KCMF1: variants seen among roughly 807,000 people sequenced by gnomAD.
The protein encoded by KCMF1 is E3 ubiquitin-protein ligase KCMF1.
Under a neutral mutation model 41.1 loss-of-function variants are expected in KCMF1, and 3 were observed. The observed-to-expected ratio is 0.07, with a 90% CI of 0.03 to 0.19. KCMF1 has a LOEUF of 0.19. Among genes scored for constraint, KCMF1 ranks in the 10% least tolerant of loss-of-function variants. KCMF1 has a pLI of 1.00. For missense variants in KCMF1, 286 were observed against 488.9 expected (o/e 0.58, Z 3.91); for synonymous variants, 142 against 164.5 (o/e 0.86, Z 1.04).
chr2:85,056,129 C>A lies in KCMF1; in HGVS notation c.*2720C>A, dbSNP rs1223759227. ...TTGTTTTGTTAAAAAAAAAAAAATC[C>A]ACAGAAGTAGAACCTAGGTTTGCTA... On this transcript the variant is annotated 3_prime_UTR_variant, in exon 7 of 7. Coordinates refer to ENST00000409785, the MANE Select transcript of KCMF1 (RefSeq NM_020122.5). 1 of 151,290 alleles carries A rather than the reference C, an allele frequency of 6.6e-6. No individual in the cohort carries two copies. Among genetic ancestry groups the A allele is most frequent in the East Asian group, 1.9e-4 (1 of 5,166 alleles). 9.4% of individuals were successfully genotyped at this position (151,290 alleles called of 1,614,324 possible). A position where few individuals can be genotyped will look rare whatever the true frequency, so the allele number is the denominator to read the frequency against.
chr2:84,986,025 T>C (rs1038687043), intron 1 of KCMF1, among the ~76,000 whole-genome samples: 2 of 152,240 alleles, frequency 1.3e-5, no homozygotes, highest in Non-Finnish European at 2.9e-5. Context: ...CTATTCTGCT[T>C]CATTAAAAAC....
intron 1 of KCMF1, among the ~76,000 whole-genome samples, chr2:84,979,132 C>T (rs1673635774): frequency 6.6e-6 from 1 of 152,194 alleles, no homozygotes; most frequent in Admixed American, 6.5e-5. Flanking sequence ...AGGTGTGAGC[C>T]ACCGCGCCTG....
intron 6 of KCMF1, among the ~76,000 whole-genome samples, chr2:85,051,337 C>T (rs370601782): frequency 6.6e-6 from 1 of 152,136 alleles, no homozygotes; most frequent in South Asian, 2.1e-4. Context: ...GATCTACTAG[C>T]GTGCATTTCT....
chr2:84,989,702 G>A lies in KCMF1; in HGVS notation c.16+18235G>A, dbSNP rs141598173. Among the ~76,000 whole-genome samples, 389 of 152,264 alleles carry A rather than the reference G, an allele frequency of 2.6e-3. 4 individuals carry two copies. Among genetic ancestry groups the A allele is most frequent in the African/African-American group, 9.1e-3 (377 of 41,554 alleles). ...GGGTTTCTGGCTTGATTAATTGGGC[G>A]TTGCCATTCATCATGATGCATATAG... is the stretch of plus-strand genomic sequence containing the variant. On this transcript the variant is annotated intron_variant, in intron 1 of 6. Transcript: ENST00000409785.
At chr2:85,033,963 A>G (rs1018924965) in intron 2 of KCMF1, among the ~76,000 whole-genome samples, 5 of 151,354 alleles carry the variant, frequency 3.3e-5, no homozygotes, top group Non-Finnish European at 5.9e-5. Context: ...TGGGAGGATG[A>G]CTTGAGCCTA....
intron 1 of KCMF1, among the ~76,000 whole-genome samples, chr2:85,000,148 T>G (rs983638091): frequency 6.6e-6 from 1 of 152,234 alleles, no homozygotes; most frequent in Non-Finnish European, 1.5e-5. Flanking sequence ...GATATTGATT[T>G]TTTTTGAGAT....
Position 85,054,758 on chromosome 2 carries a change from G to A in KCMF1, c.*1349G>A, listed in dbSNP as rs188136495. 6.8e-6 allele frequency: 1 copy of A among 146,458 alleles called. No individual in the cohort carries two copies. Among genetic ancestry groups the A allele is most frequent in the East Asian group, 1.9e-4 (1 of 5,192 alleles). The allele number at this position is 146,458 out of a possible 1,614,324, so 9.1% of individuals were successfully genotyped here. A position where few individuals can be genotyped will look rare whatever the true frequency, so the allele number is the denominator to read the frequency against. ...ACAGCTTCTGATAAATTTATAACTA[G>A]ACTTAACCTAATCATGTCTCGTTCC... is the stretch of plus-strand genomic sequence containing the variant. On this transcript the variant is annotated 3_prime_UTR_variant, in exon 7 of 7. Transcript: ENST00000409785.
chr2:84,979,456 G>A (rs1193573039), intron 1 of KCMF1, among the ~76,000 whole-genome samples: 2 of 151,510 alleles, frequency 1.3e-5, no homozygotes, highest in Admixed American at 6.6e-5. Flanking sequence ...CCCAGGAGGC[G>A]GAGGTTGCAG....
intron 1 of KCMF1, among the ~76,000 whole-genome samples, chr2:85,007,088 C>T (rs1488342785): frequency 2.3e-4 from 18 of 79,682 alleles, no homozygotes; most frequent in Admixed American, 1.4e-3. Context: ...GCAACAAGAG[C>T]AAAACTCAGT....
chr2:85,017,132 C>G (rs1359787526), intron 1 of KCMF1, among the ~76,000 whole-genome samples: 5 of 149,092 alleles, frequency 3.4e-5, no homozygotes, highest in Non-Finnish European at 4.4e-5. Flanking sequence ...TCACGCCATT[C>G]TCCTGCCTCA....
At chr2:85,023,797 G>C (rs571172199) in intron 1 of KCMF1, among the ~76,000 whole-genome samples, 107 of 152,288 alleles carry the variant, frequency 7.0e-4, no homozygotes, top group African/African-American at 2.4e-3. Flanking sequence ...ATTTTTCAAA[G>C]TGGTTGTGCT....
chr2:85,024,832 C>G (rs962211543), intron 1 of KCMF1, among the ~76,000 whole-genome samples: 76 of 152,050 alleles, frequency 5.0e-4, no homozygotes, highest in African/African-American at 1.8e-3. Context: ...TTGTCCATTC[C>G]CTTTTTTTCT....
At chr2:84,978,881 C>T (rs1450802503) in intron 1 of KCMF1, among the ~76,000 whole-genome samples, 1 of 151,996 alleles carries the variant, frequency 6.6e-6, no homozygotes, top group Non-Finnish European at 1.5e-5. Flanking sequence ...ATGTCTGGCT[C>T]ATTTTGTGTT....
At position 85,053,604 on chromosome 2, in the gene KCMF1, A is replaced by G; in HGVS notation, c.*195A>G. On this transcript the variant is annotated 3_prime_UTR_variant, in exon 7 of 7. Transcript: ENST00000409785. ...ACTAATTTTTACTTCTAGCAGGTAA[A>G]TGTAGGTAGCAGTGCAGGGGTGATC... The G allele has an allele frequency of 1.6e-6, 1 of 642,746 alleles. No individual in the cohort carries two copies. The highest frequency in any genetic ancestry group is 2.6e-6 in the Non-Finnish European group (1 of 383,286). The allele number at this position is 642,746 out of a possible 1,614,324, so 39.8% of individuals were successfully genotyped here.
chr2:84,973,825 C>CTTTTTTTTTTTTTTTTTTT (rs1238178193), intron 1 of KCMF1, among the ~76,000 whole-genome samples: 40 of 110,276 alleles, frequency 3.6e-4, no homozygotes, highest in Non-Finnish European at 5.4e-4. Flanking sequence ...TTATTTCTTT[C>CTTTTTTTTTTTTTTTTTTT]TTTTTTTTTT....
chr2:85,013,091 C>T (rs1430812921), intron 1 of KCMF1, among the ~76,000 whole-genome samples: 1 of 152,126 alleles, frequency 6.6e-6, no homozygotes, highest in Non-Finnish European at 1.5e-5. Context: ...AACAAGTCAT[C>T]TTTCATCATT....
At chr2:85,008,289 A>ATC (rs1491509635) in intron 1 of KCMF1, among the ~76,000 whole-genome samples, 3 of 49,650 alleles carry the variant, frequency 6.0e-5, no homozygotes, top group Admixed American at 2.6e-4. Context: ...TATGATATAT[A>ATC]ATATATATAA....
At chr2:85,019,724 A>G (rs1169497900) in intron 1 of KCMF1, among the ~76,000 whole-genome samples, 1 of 151,702 alleles carries the variant, frequency 6.6e-6, no homozygotes, top group Non-Finnish European at 1.5e-5. Context: ...ACTTAAATAT[A>G]TATGTGTGTG....
At chr2:85,020,554 A>T (rs1486484540) in intron 1 of KCMF1, among the ~76,000 whole-genome samples, 1 of 151,972 alleles carries the variant, frequency 6.6e-6, no homozygotes, top group Non-Finnish European at 1.5e-5. Context: ...TCAACCTGAG[A>T]AGTAGGGACT....
Sources: allele counts gnomAD v4.1 joint callset (sites outside exome capture counted in the v4.1 genomes callset), GRCh38; gene constraint gnomAD v4.1.1; transcripts MANE v1.5; gene names NCBI Gene and HGNC (gene_info 2026-07-23, HGNC 2026-07-21).